Variants in AK7 observed in about 807,000 individuals in gnomAD.
AK7 encodes the protein ATP-AMP transphosphorylase 7.
In AK7, 78 loss-of-function variants were observed where a neutral mutation model predicts 96.6. The observed-to-expected ratio is 0.81, with a 90% CI of 0.67 to 0.97. The LOEUF (loss-of-function observed/expected upper bound fraction) is 0.97, where lower values mean the gene tolerates loss of function less well. AK7 is among the 50% of genes least tolerant of loss of function. AK7 has a pLI of 0.00. For synonymous variants in AK7, 302 were observed against 317.2 expected (o/e 0.95, Z 0.51); for missense variants, 855 against 887.9 (o/e 0.96, Z 0.47).
intron 4 of AK7, among the ~76,000 whole-genome samples, chr14:96,419,678 T>G (rs931843545): frequency 1.3e-5 from 2 of 151,974 alleles, no homozygotes; most frequent in African/African-American, 4.8e-5. Context: ...TTATGGAATC[T>G]CAGTGGCAAC....
chr14:96,405,392 C>T (rs573569096), intron 3 of AK7, among the ~76,000 whole-genome samples: 28 of 151,938 alleles, frequency 1.8e-4, no homozygotes, highest in African/African-American at 6.0e-4. Flanking sequence ...CTATGTTGTC[C>T]AGGCTGGTCT....
intron 5 of AK7, among the ~76,000 whole-genome samples, chr14:96,425,907 G>T (rs1045215784): frequency 6.6e-6 from 1 of 152,120 alleles, no homozygotes; most frequent in African/African-American, 2.4e-5. Flanking sequence ...TGTCTTTACA[G>T]GTAGAGTGTG....
intron 5 of AK7, among the ~76,000 whole-genome samples, chr14:96,427,479 C>T (rs1371173645): frequency 6.6e-6 from 1 of 152,192 alleles, no homozygotes; most frequent in Non-Finnish European, 1.5e-5. Context: ...ACAAGAACGG[C>T]AAGGGGTAAA....
At chr14:96,435,759 T>C (rs1485701482) in intron 5 of AK7, among the ~76,000 whole-genome samples, 1 of 152,174 alleles carries the variant, frequency 6.6e-6, no homozygotes, top group Non-Finnish European at 1.5e-5. Context: ...GTTTGAATGC[T>C]CCTTCCATGG....
chr14:96,400,208 T>C (rs531129819), intron 2 of AK7, among the ~76,000 whole-genome samples: 1 of 152,056 alleles, frequency 6.6e-6, no homozygotes, highest in South Asian at 2.1e-4. Context: ...CCAGCTAATT[T>C]TTTGTATCTT....
intron 2 of AK7, among the ~76,000 whole-genome samples, chr14:96,400,452 A>G (rs918582797): frequency 6.6e-5 from 10 of 152,228 alleles, no homozygotes; most frequent in African/African-American, 2.4e-4. Context: ...GGTGACCCAA[A>G]CTGGCTTAAT....
At chr14:96,479,646 C>T (rs962229887) in intron 15 of AK7, among the ~76,000 whole-genome samples, 2 of 152,196 alleles carry the variant, frequency 1.3e-5, no homozygotes, top group Admixed American at 6.5e-5. Context: ...TCCCGCATCA[C>T]GTCAGCCTCA....
Position 96,392,174 on chromosome 14 carries a change from C to A in AK7, c.20C>A (p.Thr7Asn). 1 of 1,613,526 alleles carries A rather than the reference C, an allele frequency of 6.2e-7. No homozygotes were observed. The highest frequency in any genetic ancestry group is 1.1e-5 in the South Asian group (1 of 91,080). MAEEEE[T>N]AALTEKVIRT... ...CCCACCATGGCTGAAGAAGAGGAAA[C>A]TGCTGCTCTCACGGAGAAGGTTATC... The change falls in exon 1 of 18, where the codon ACT becomes AAT. Residue 7 changes from threonine (T) to asparagine (N), a missense_variant. By Grantham distance (65) the Thr-to-Asn change is moderately conservative. Coordinates refer to ENST00000267584, the MANE Select transcript of AK7 (RefSeq NM_152327.5).
intron 10 of AK7, among the ~76,000 whole-genome samples, chr14:96,453,406 A>T (rs974501894): frequency 1.3e-5 from 2 of 152,242 alleles, no homozygotes; most frequent in Admixed American, 1.3e-4. Context: ...TAAATAGGGT[A>T]TGTCTGTCCC....
intron 12 of AK7, 143 bp from the exon 13 acceptor site, chr14:96,471,333 TAA>T (rs35566282): frequency 0.039 from 7,103 of 184,386 alleles, no homozygotes; most frequent in South Asian, 0.058. Flanking sequence ...CCCGTCTCTT[TAA>T]AAAAAAAAAA....
chr14:96,424,506 A>T (rs1441826314), intron 5 of AK7, among the ~76,000 whole-genome samples: 8 of 152,198 alleles, frequency 5.3e-5, no homozygotes, highest in Non-Finnish European at 1.0e-4. Flanking sequence ...GAAAACCCCA[A>T]ACCCTCTGAA....
chr14:96,424,334 G>A (rs934559895), intron 5 of AK7: 10 of 352,054 alleles, frequency 2.8e-5, no homozygotes, highest in African/African-American at 2.3e-4. Flanking sequence ...TGTGTTCTCA[G>A]TATTTTACTC....
intron 4 of AK7, among the ~76,000 whole-genome samples, chr14:96,409,190 T>C (rs913815317): frequency 5.3e-5 from 8 of 152,206 alleles, no homozygotes; most frequent in Non-Finnish European, 7.4e-5. Context: ...TTATCACTTA[T>C]GGTATGTATT....
At chr14:96,415,692 C>A (rs1891287717) in intron 4 of AK7, among the ~76,000 whole-genome samples, 1 of 148,560 alleles carries the variant, frequency 6.7e-6, no homozygotes, top group Non-Finnish European at 1.5e-5. Context: ...AGTTTTGTTA[C>A]AAATGAAGGG....
In AK7 at chr14:96,430,721, G is replaced by A. The variant is rs370963288; in HGVS notation, c.610-7114G>A. Among the ~76,000 whole-genome samples, 8 of 152,142 alleles carry A rather than the reference G, an allele frequency of 5.3e-5. No homozygotes were observed. In the East Asian group the frequency reaches 5.8e-4, roughly 11 times the overall value. On this transcript the variant is annotated intron_variant, in intron 5 of 17. Coordinates refer to ENST00000267584, the MANE Select transcript of AK7 (RefSeq NM_152327.5). Reference sequence around the variant, plus strand: ...ATATCGATGTTCATCAGGGATATTGGTCTAAAATTCTCTTGTTTTTGTTGT... The same window carrying A: ...ATATCGATGTTCATCAGGGATATTGATCTAAAATTCTCTTGTTTTTGTTGT...
At chr14:96,406,695 T>A (rs1890732157) in intron 3 of AK7, among the ~76,000 whole-genome samples, 1 of 152,052 alleles carries the variant, frequency 6.6e-6, no homozygotes, top group South Asian at 2.1e-4. Context: ...TTCCTTTCTT[T>A]TTTTTTTAAA....
In AK7 at chr14:96,458,077, A is replaced by T; in HGVS notation, c.1228-6A>T. On this transcript the variant is annotated splice_region_variant and splice_polypyrimidine_tract_variant and intron_variant, in intron 11 of 17. Transcript: ENST00000267584. ...CATCCAATGTGAATATCCCTGTGGT[A>T]TGCAGGAGGCGATTGTTGCCCCTAA... 2 of 1,612,314 alleles carry T rather than the reference A, an allele frequency of 1.2e-6. No individual in the cohort carries two copies. The highest frequency in any genetic ancestry group is 2.2e-5 in the South Asian group (2 of 91,006).
intron 3 of AK7, among the ~76,000 whole-genome samples, chr14:96,407,130 G>T (rs1451769362): frequency 6.6e-6 from 1 of 152,204 alleles, no homozygotes; most frequent in African/African-American, 2.4e-5. Flanking sequence ...TAGATGAAGG[G>T]TGTGTTCAAA....
At chr14:96,473,992 A>T (rs1315286660) in intron 14 of AK7, among the ~76,000 whole-genome samples, 1 of 152,192 alleles carries the variant, frequency 6.6e-6, no homozygotes, top group Non-Finnish European at 1.5e-5. Context: ...ACACAACAGG[A>T]TTTACTTAGT....
Sources: gnomAD v4.1 joint callset for allele counts (sites outside exome capture counted in the v4.1 genomes callset) on GRCh38, gnomAD v4.1.1 for gene constraint, MANE v1.5 for transcripts, NCBI Gene and HGNC (gene_info 2026-07-23, HGNC 2026-07-21) for gene names.